Variants in SHANK2 observed in about 807,000 individuals in gnomAD.
SHANK2 encodes SH3 and multiple ankyrin repeat domains 2.
SHANK2 carries 43 observed loss-of-function variants against 133.7 expected under a neutral mutation model. That is an observed-to-expected ratio of 0.32 (90% confidence interval 0.25 to 0.41). The LOEUF is 0.41. Among genes scored for constraint, SHANK2 ranks in the 10% least tolerant of loss-of-function variants. The pLI is 1.00. For missense variants in SHANK2, 1,994 were observed against 2,235.8 expected, an observed-to-expected ratio of 0.89 and a Z score of 2.18; for synonymous variants, 1,017 against 952.8, an observed-to-expected ratio of 1.07 and a Z score of -1.24.
chr11:71,195,261 G>A (rs4506684), intron 2 of SHANK2, among the ~76,000 whole-genome samples: 35,657 of 151,908 alleles, frequency 0.23, 4,760 homozygotes, highest in East Asian at 0.42. Flanking sequence ...GCGTGGTGGC[G>A]GGCGCCTGTA....
intron 14 of SHANK2, among the ~76,000 whole-genome samples, chr11:70,738,179 G>C (rs541713447): frequency 4.8e-4 from 73 of 152,388 alleles, no homozygotes; most frequent in Non-Finnish European, 9.1e-4. Flanking sequence ...TTCCAGGAGG[G>C]GCTTGGCAGC....
intron 10 of SHANK2, among the ~76,000 whole-genome samples, chr11:70,903,980 T>A (rs1008370778): frequency 6.6e-6 from 1 of 151,966 alleles, no homozygotes; most frequent in African/African-American, 2.4e-5. Context: ...CACCCCAAAT[T>A]CCCAGCACAG....
At chr11:70,508,686 T>C (rs895246931) in intron 17 of SHANK2, among the ~76,000 whole-genome samples, 3 of 152,062 alleles carry the variant, frequency 2.0e-5, no homozygotes, top group African/African-American at 7.2e-5. Flanking sequence ...CAAGCACAAG[T>C]TTCAGACCAG....
At chr11:70,893,096 A>G (rs1555075024) in intron 11 of SHANK2, among the ~76,000 whole-genome samples, 1 of 152,224 alleles carries the variant, frequency 6.6e-6, no homozygotes, top group Admixed American at 6.5e-5. Context: ...CTACACATGG[A>G]GACCACAACT....
intron 12 of SHANK2, among the ~76,000 whole-genome samples, chr11:70,812,969 A>G (rs1395463972): frequency 1.3e-5 from 2 of 152,198 alleles, no homozygotes; most frequent in African/African-American, 4.8e-5. Context: ...CTGGGTGAAC[A>G]GGAACTGGCC....
chr11:70,569,102 C>T lies in SHANK2; in HGVS notation c.2062-66171G>A, dbSNP rs1554982577. 6.6e-6 allele frequency among the ~76,000 whole-genome samples: 1 copy of T among 152,234 alleles called. No homozygotes were observed. On this transcript the variant is annotated intron_variant, in intron 17 of 25. Transcript: ENST00000601538. The surrounding 1 kb of genome is among the most constrained non-coding windows in gnomAD (Gnocchi z 5.1). ...AGTGAACGGAGCCAGGAAAGCGAAT[C>T]TGCCTTGACTTGTCCTGGATTCTGC...
At chr11:70,505,260 G>A (rs2135846335) in intron 17 of SHANK2, among the ~76,000 whole-genome samples, 1 of 152,272 alleles carries the variant, frequency 6.6e-6, no homozygotes, top group African/African-American at 2.4e-5. Flanking sequence ...GGATGCCAGG[G>A]TGAAGTTATG....
At chr11:70,689,306 C>T (rs540922486) in intron 15 of SHANK2, among the ~76,000 whole-genome samples, 1 of 152,184 alleles carries the variant, frequency 6.6e-6, no homozygotes, top group South Asian at 2.1e-4. Context: ...GAATAAGTGA[C>T]AAATGGGGAG....
At chr11:71,083,981 G>A (rs902631091) in intron 8 of SHANK2, among the ~76,000 whole-genome samples, 65 of 149,794 alleles carry the variant, frequency 4.3e-4, no homozygotes, top group African/African-American at 1.6e-3. Flanking sequence ...CTTTTTTTTG[G>A]GGGGGGGAGA....
chr11:71,251,204 C>T (rs1555125789), intron 1 of SHANK2, among the ~76,000 whole-genome samples: 1 of 152,200 alleles, frequency 6.6e-6, no homozygotes, highest in African/African-American at 2.4e-5. Flanking sequence ...ACCTGCACCA[C>T]CCTTTCTCCC....
At chr11:70,591,530 C>T (rs1414342366) in intron 17 of SHANK2, among the ~76,000 whole-genome samples, 3 of 145,696 alleles carry the variant, frequency 2.1e-5, no homozygotes. Context: ...ACAACATTTG[C>T]TTTTCTTAAA....
intron 1 of SHANK2, among the ~76,000 whole-genome samples, chr11:71,225,934 C>G (rs1954634171): frequency 6.6e-6 from 1 of 152,162 alleles, no homozygotes; most frequent in Non-Finnish European, 1.5e-5. Context: ...ACCAGCGTGG[C>G]CAACATGGCA....
intron 10 of SHANK2, among the ~76,000 whole-genome samples, chr11:70,906,518 C>T (rs1950106307): frequency 6.6e-6 from 1 of 152,192 alleles, no homozygotes; most frequent in Non-Finnish European, 1.5e-5. Flanking sequence ...CTTCTCTTGC[C>T]AAAACGAAAT....
At chr11:70,680,283 C>G (rs773667572) in intron 15 of SHANK2, among the ~76,000 whole-genome samples, 1 of 152,188 alleles carries the variant, frequency 6.6e-6, no homozygotes, top group South Asian at 2.1e-4. Context: ...GCTGTAACAA[C>G]GTAACACAAA....
chr11:71,098,427 A>C (rs1375229680), intron 6 of SHANK2, among the ~76,000 whole-genome samples: 1 of 152,250 alleles, frequency 6.6e-6, no homozygotes, highest in Non-Finnish European at 1.5e-5. Context: ...TGGTGTCAAC[A>C]AAACCCAGCT....
chr11:70,774,701 G>A (rs1195538168), intron 14 of SHANK2, among the ~76,000 whole-genome samples: 3 of 152,068 alleles, frequency 2.0e-5, no homozygotes, highest in East Asian at 1.9e-4. Context: ...GCACAATCTC[G>A]TGAATATGCA....
At chr11:71,109,489 C>T (rs950401967) in intron 6 of SHANK2, among the ~76,000 whole-genome samples, 17 of 152,338 alleles carry the variant, frequency 1.1e-4, no homozygotes, top group Middle Eastern at 3.4e-3. Flanking sequence ...CCCAGAGGCC[C>T]GCACTCATGA....
chr11:71,248,337 C>A (rs1014566559), intron 1 of SHANK2, among the ~76,000 whole-genome samples: 4 of 152,250 alleles, frequency 2.6e-5, no homozygotes, highest in Admixed American at 2.6e-4. Context: ...CACCTGCTGA[C>A]CGCAGCGCGA....
At chr11:70,798,154 A>G (rs1214602784) in intron 14 of SHANK2, among the ~76,000 whole-genome samples, 1 of 152,066 alleles carries the variant, frequency 6.6e-6, no homozygotes, top group Non-Finnish European at 1.5e-5. Context: ...TCAACCCCCA[A>G]AAGTCTCTCT....
Sources: gnomAD v4.1 joint callset for allele counts (sites outside exome capture counted in the v4.1 genomes callset) on GRCh38, gnomAD v4.1.1 for gene constraint, Gnocchi (gnomAD v3.1) non-coding constraint, MANE v1.5 for transcripts, NCBI Gene and HGNC (gene_info 2026-07-23, HGNC 2026-07-21) for gene names.